ZBTB46: variants seen among roughly 807,000 people sequenced by gnomAD.
ZBTB46 encodes zinc finger and BTB domain containing 46, also known as zinc finger and BTB domain-containing protein 46.
A neutral mutation model predicts 44.1 loss-of-function variants in ZBTB46; 8 were observed. The observed-to-expected ratio is 0.18, with a 90% CI of 0.11 to 0.33. ZBTB46 has a LOEUF of 0.33. Among genes scored for constraint, ZBTB46 ranks in the 10% least tolerant of loss-of-function variants. The probability of loss-of-function intolerance (pLI) is 1.00; values close to 1 mark genes in which losing one functional copy is unlikely to be tolerated. For missense variants in ZBTB46, 651 were observed against 847.7 expected, an observed-to-expected ratio of 0.77 and a Z score of 2.88; for synonymous variants, 409 against 382.3, an observed-to-expected ratio of 1.07 and a Z score of -0.81.
chr20:63,792,702 G>C (rs2092571141), intron 1 of ZBTB46, among the ~76,000 whole-genome samples: 1 of 152,112 alleles, frequency 6.6e-6, no homozygotes, highest in Non-Finnish European at 1.5e-5. Context: ...ATTTTTAGGA[G>C]AGATGGGGTT....
chr20:63,804,738 A>C (rs1023534863), intron 1 of ZBTB46, among the ~76,000 whole-genome samples: 3 of 151,854 alleles, frequency 2.0e-5, no homozygotes, highest in Non-Finnish European at 2.9e-5. Flanking sequence ...CCAAAATTAA[A>C]AAAATTAGCC....
chr20:63,826,136 C>T (rs927793173), intron 1 of ZBTB46, among the ~76,000 whole-genome samples: 5 of 152,162 alleles, frequency 3.3e-5, no homozygotes, highest in Non-Finnish European at 7.4e-5. Context: ...GTGCAAGAGG[C>T]TTCATTTTCT....
intron 1 of ZBTB46, among the ~76,000 whole-genome samples, chr20:63,823,401 G>C (rs1374022424): frequency 2.0e-5 from 3 of 150,958 alleles, no homozygotes; most frequent in Non-Finnish European, 4.4e-5. Context: ...AGGAGACTGA[G>C]GCACAAGAAT....
rs2092095666 is a variant in ZBTB46 at position 63,746,954 on chromosome 20, G to C, written c.1746C>G (p.Asp582Glu). 1 of 1,582,880 alleles carries C rather than the reference G, an allele frequency of 6.3e-7. No individual in the cohort carries two copies. The highest frequency in any genetic ancestry group is 8.6e-7 in the Non-Finnish European group (1 of 1,168,388). ...PRPRSPPGGPDKDFAWLS is the reference protein window; with the variant it reads ...PRPRSPPGGPEKDFAWLS Reference sequence around the variant, plus strand: ...CCTAGGAGAGCCAGGCGAAGTCCTTGTCAGGGCCTCCTGGGGGGCTGCGCG... The same window carrying C: ...CCTAGGAGAGCCAGGCGAAGTCCTTCTCAGGGCCTCCTGGGGGGCTGCGCG... Residue 582 changes from aspartate to glutamate, a missense_variant, in exon 5 of 5, where the codon GAC becomes GAG. Around this residue, in one of 5 missense-constraint regions of ZBTB46, gnomAD observed 106 missense variants for 81.0 expected, o/e 1.31. Transcript: ENST00000245663.
intron 3 of ZBTB46, among the ~76,000 whole-genome samples, chr20:63,765,821 T>C (rs994562607): frequency 6.6e-6 from 1 of 152,268 alleles, no homozygotes; most frequent in Admixed American, 6.5e-5. Context: ...AAAATGTTCT[T>C]AGAGCCCTTA....
At chr20:63,764,605 G>GTTT (rs11479608) in intron 3 of ZBTB46, among the ~76,000 whole-genome samples, 1 of 141,822 alleles carries the variant, frequency 7.1e-6, no homozygotes, top group African/African-American at 2.6e-5. Flanking sequence ...TTTTTTCTCT[G>GTTT]TTTTTTTTTT....
Position 63,747,169 on chromosome 20 carries a change from C to A in ZBTB46, c.1531G>T (p.Gly511Trp). ...CTDCAGRGMA[G>W]PLDHGGGGGE... ...CCTCCGCCGCCATGGTCCAGGGGCC[C>A]GGCCATGCCGCGGCCAGCACAGTCG... The change falls in exon 5 of 5, where the codon GGG becomes TGG. Residue 511 changes from glycine to tryptophan, a missense_variant. Coordinates refer to ENST00000245663, the MANE Select transcript of ZBTB46 (RefSeq NM_001369741.1). 1 of 1,609,374 alleles carries A rather than the reference C, an allele frequency of 6.2e-7. No homozygotes were observed. Among genetic ancestry groups the A allele is most frequent in the East Asian group, 2.2e-5 (1 of 44,710 alleles).
chr20:63,799,610 A>G (rs1382187876), intron 1 of ZBTB46, among the ~76,000 whole-genome samples: 2 of 152,220 alleles, frequency 1.3e-5, no homozygotes, highest in African/African-American at 4.8e-5. Context: ...AGCCTCCCAA[A>G]GTGCTGGGAT....
At chr20:63,831,010 CCCCGGCT>C (rs905352437) in intron 1 of ZBTB46, 80 bp downstream of exon 1, 36 of 142,476 alleles carry the variant, frequency 2.5e-4, no homozygotes, top group East Asian at 8.6e-4. Context: ...CTCGCAGCGG[CCCCGGCT>C]CCCGGCTCCC....
chr20:63,814,245 AAAAG>A (rs1228242172), intron 1 of ZBTB46, among the ~76,000 whole-genome samples: 9 of 151,744 alleles, frequency 5.9e-5, no homozygotes, highest in African/African-American at 1.9e-4. Flanking sequence ...AAAAAAAAAA[AAAAG>A]AAAAGAAAAA....
chr20:63,791,000 G>A, intron 1 of ZBTB46: 1 of 597,130 alleles, frequency 1.7e-6, no homozygotes. Context: ...GTGCGTCCAG[G>A]GTGGGACGTC....
At chr20:63,811,150 G>C (rs1386774189) in intron 1 of ZBTB46, among the ~76,000 whole-genome samples, 1 of 151,978 alleles carries the variant, frequency 6.6e-6, no homozygotes, top group Non-Finnish European at 1.5e-5. Context: ...GGCGAGTCTG[G>C]GTCCCAGAAC....
chr20:63,833,570 G>A (rs973149033), upstream of ZBTB46, among the ~76,000 whole-genome samples: 4 of 152,092 alleles, frequency 2.6e-5, no homozygotes, highest in Non-Finnish European at 4.4e-5. Flanking sequence ...CAGCCTGGGC[G>A]ACAGAGCAAG....
At chr20:63,816,792 C>G (rs1439268771) in intron 1 of ZBTB46, among the ~76,000 whole-genome samples, 1 of 152,132 alleles carries the variant, frequency 6.6e-6, no homozygotes, top group Non-Finnish European at 1.5e-5. Context: ...CCCAATAGGA[C>G]CAGCTTCCTT....
In ZBTB46 at chr20:63,803,729, A is replaced by G. The variant is rs138850047; in HGVS notation, c.-33-12939T>C. 1.5e-4 allele frequency among the ~76,000 whole-genome samples: 23 copies of G among 152,010 alleles called. No individual in the cohort carries two copies. Among genetic ancestry groups the G allele is most frequent in the Middle Eastern group, 6.8e-3 (2 of 294 alleles). ...TCACTTCCTTCTTTTTGTTTTTGTA[A>G]TGGGGTCTCACTCTGTCCCCCAGGC... On this transcript the variant is annotated intron_variant, in intron 1 of 4. Transcript: ENST00000245663. This position sits in a 1 kb window ranked among gnomAD's most constrained non-coding sequence, Gnocchi z 4.0.
At chr20:63,765,113 G>C (rs1007096799) in intron 3 of ZBTB46, among the ~76,000 whole-genome samples, 1 of 151,810 alleles carries the variant, frequency 6.6e-6, no homozygotes, top group Non-Finnish European at 1.5e-5. Flanking sequence ...GGTTGTGTGT[G>C]TGTGTGCGTG....
chr20:63,804,823 C>T (rs758434739), intron 1 of ZBTB46, among the ~76,000 whole-genome samples: 2 of 151,256 alleles, frequency 1.3e-5, no homozygotes, highest in African/African-American at 2.4e-5. Context: ...ACCTGGGAGG[C>T]GGAGGTTGCA....
At chr20:63,792,993 C>T (rs940539386) in intron 1 of ZBTB46, among the ~76,000 whole-genome samples, 3 of 152,112 alleles carry the variant, frequency 2.0e-5, no homozygotes, top group Non-Finnish European at 4.4e-5. Flanking sequence ...TGCCGGGAGA[C>T]GCGCTGCAGA....
intron 1 of ZBTB46, among the ~76,000 whole-genome samples, chr20:63,813,858 G>A (rs1023027593): frequency 2.0e-5 from 3 of 152,206 alleles, no homozygotes; most frequent in African/African-American, 4.8e-5. Context: ...GAAGTGTTGC[G>A]GGGTGCCCGG....
Sources: allele counts gnomAD v4.1 joint callset (sites outside exome capture counted in the v4.1 genomes callset), GRCh38; gene constraint gnomAD v4.1.1; regional missense constraint gnomAD v4.1.1; non-coding constraint Gnocchi (gnomAD v3.1); transcripts MANE v1.5; gene names NCBI Gene and HGNC (gene_info 2026-07-23, HGNC 2026-07-21).